Variants in LAMA2 observed in about 807,000 individuals in gnomAD.
The protein encoded by LAMA2 is laminin subunit alpha 2.
Under a neutral mutation model 364.8 loss-of-function variants are expected in LAMA2, and 269 were observed. The ratio of observed to expected loss-of-function variants is 0.74; its 90% CI spans 0.67 to 0.82. The LOEUF (loss-of-function observed/expected upper bound fraction) is 0.82. Ranked by LOEUF, LAMA2 falls within the 40% of genes least tolerant of loss-of-function variation. LAMA2 has a pLI of 0.00. For missense variants in LAMA2, 3,807 were observed against 3,873.2 expected (o/e 0.98, Z 0.45); for synonymous variants, 1,379 against 1,370.6 (o/e 1.01, Z -0.14).
intron 1 of LAMA2, among the ~76,000 whole-genome samples, chr6:128,985,623 AT>A (rs1783179089): frequency 6.6e-6 from 1 of 152,188 alleles, no homozygotes; most frequent in African/African-American, 2.4e-5. Flanking sequence ...AAGATATGGT[AT>A]AAGGAACCCT....
chr6:129,369,872 T>C lies in LAMA2; in HGVS notation c.4861-20T>C. The C allele has an allele frequency of 1.2e-6, 2 of 1,606,014 alleles. No individual in the cohort carries two copies. Among genetic ancestry groups the C allele is most frequent in the South Asian group, 2.2e-5 (2 of 90,914 alleles). On this transcript the variant is annotated intron_variant, in intron 33 of 64. Coordinates refer to ENST00000421865, the MANE Select transcript of LAMA2 (RefSeq NM_000426.4). ...CAAGGCCATTTACTAAAAATGTTTATGGGATGGAATCTTTTTCAGCACTTG... is the reference window on the plus strand; with the variant it reads ...CAAGGCCATTTACTAAAAATGTTTACGGGATGGAATCTTTTTCAGCACTTG...
chr6:129,354,192 A>G (rs1777026075), intron 32 of LAMA2, among the ~76,000 whole-genome samples: 1 of 152,186 alleles, frequency 6.6e-6, no homozygotes. Context: ...TCTAAATCTT[A>G]ATAGTATCTT....
intron 22 of LAMA2, among the ~76,000 whole-genome samples, chr6:129,308,898 G>A (rs541437554): frequency 3.8e-4 from 58 of 152,294 alleles, no homozygotes; most frequent in Non-Finnish European, 4.9e-4. Flanking sequence ...AGATCTTGCC[G>A]GTAGGAACTC....
chr6:129,230,780 C>T (rs1011631553), intron 12 of LAMA2, among the ~76,000 whole-genome samples: 5 of 152,066 alleles, frequency 3.3e-5, no homozygotes, highest in Admixed American at 6.5e-5. Flanking sequence ...ATTTAACTGA[C>T]GTTGTGGTTA....
rs762858697 is a variant in LAMA2, at chr6:128,883,344, A to T, written c.99A>T (p.Ala33=). The change falls in exon 1 of 65, where the codon GCA becomes GCT. Residue 33 remains alanine, a synonymous_variant. Coordinates refer to ENST00000421865, the MANE Select transcript of LAMA2 (RefSeq NM_000426.4). ...QRPQQQRQSQ[A]HQQRGLFPAV... is the part of the protein sequence containing the mutation. Reference sequence around the variant, plus strand: ...CGCAGCAGCAGCGGCAGTCACAGGCACATCAGCAAAGAGGTACAGTCGAGG... The same window carrying T: ...CGCAGCAGCAGCGGCAGTCACAGGCTCATCAGCAAAGAGGTACAGTCGAGG... The T allele has an allele frequency of 3.1e-6, 5 of 1,598,032 alleles. No homozygotes were observed. In the South Asian group the frequency reaches 5.7e-5, roughly 18 times the overall value.
chr6:129,165,068 T>C (rs1472190688), intron 8 of LAMA2, among the ~76,000 whole-genome samples: 2 of 152,120 alleles, frequency 1.3e-5, no homozygotes, highest in African/African-American at 4.8e-5. Context: ...TATAAATAAG[T>C]CTAATTTTAA....
chr6:128,910,465 C>T (rs1298388814), intron 1 of LAMA2, among the ~76,000 whole-genome samples: 7 of 152,180 alleles, frequency 4.6e-5, no homozygotes, highest in Admixed American at 2.6e-4. Flanking sequence ...ACGTAGTTCT[C>T]GAGCCTTGGT....
At chr6:128,899,049 T>G (rs531039329) in intron 1 of LAMA2, among the ~76,000 whole-genome samples, 19 of 152,354 alleles carry the variant, frequency 1.2e-4, no homozygotes, top group Non-Finnish European at 2.4e-4. Flanking sequence ...GTAATTTCTT[T>G]GAACAATTAA....
chr6:128,913,269 C>G (rs1345041276), intron 1 of LAMA2, among the ~76,000 whole-genome samples: 3 of 152,060 alleles, frequency 2.0e-5, no homozygotes, highest in African/African-American at 7.2e-5. Flanking sequence ...CTTTCAACTT[C>G]CATATTTTTA....
At chr6:129,363,122 A>C (rs1228198613) in intron 32 of LAMA2, among the ~76,000 whole-genome samples, 1 of 152,134 alleles carries the variant, frequency 6.6e-6, no homozygotes, top group Non-Finnish European at 1.5e-5. Flanking sequence ...CAGCCAGGGC[A>C]ACACAGCAAG....
intron 12 of LAMA2, among the ~76,000 whole-genome samples, chr6:129,206,114 AAGGAAGG>A (rs1782650465): frequency 2.8e-5 from 2 of 71,834 alleles, no homozygotes; most frequent in Non-Finnish European, 5.0e-5. Flanking sequence ...GGGAGGAAGG[AAGGAAGG>A]AAGGAAGGAA....
At chr6:129,154,712 G>T (rs201870611) in intron 8 of LAMA2, 29 bp downstream of exon 8, 21 of 1,593,722 alleles carry the variant, frequency 1.3e-5, no homozygotes, top group Middle Eastern at 3.3e-4. Context: ...TTCATAAAGA[G>T]TTATTTTTTT....
At chr6:129,118,134 T>C (rs1163485527) in intron 4 of LAMA2, among the ~76,000 whole-genome samples, 1 of 152,168 alleles carries the variant, frequency 6.6e-6, no homozygotes, top group African/African-American at 2.4e-5. Context: ...ATCAGCAAGA[T>C]AAAATGAAGA....
chr6:129,403,757 A>C, intron 39 of LAMA2, 64 bp from the exon 40 acceptor site: 1 of 1,472,478 alleles, frequency 6.8e-7, no homozygotes. Context: ...TCATATAATT[A>C]GGACGTTCTT....
chr6:129,004,406 T>TAA (rs61244248), intron 1 of LAMA2, among the ~76,000 whole-genome samples: 22 of 53,732 alleles, frequency 4.1e-4, no homozygotes, highest in African/African-American at 1.1e-3. Context: ...AGTATAATAA[T>TAA]AAAAAAAAAA....
At chr6:129,206,216 C>G (rs1344460871) in intron 12 of LAMA2, among the ~76,000 whole-genome samples, 1 of 151,872 alleles carries the variant, frequency 6.6e-6, no homozygotes. Flanking sequence ...ATATGTATGA[C>G]TACTATTTGT....
intron 40 of LAMA2, among the ~76,000 whole-genome samples, chr6:129,407,407 C>A (rs1183765045): frequency 1.3e-5 from 2 of 152,124 alleles, no homozygotes; most frequent in Non-Finnish European, 2.9e-5. Context: ...GCACACTAAT[C>A]CTTAACCTAA....
In LAMA2 at chr6:129,393,381, G is replaced by C. The variant is rs916810406; in HGVS notation, c.5445+126G>C. The C allele has an allele frequency of 1.1e-5, 8 of 755,076 alleles. No individual in the cohort carries two copies. In the East Asian group the frequency reaches 2.1e-4, roughly 20 times the overall value. 46.8% of individuals were successfully genotyped at this position (755,076 alleles called of 1,614,324 possible). A position where few individuals can be genotyped will look rare whatever the true frequency, so the allele number is the denominator to read the frequency against. ...AAGTCAAGAGTGACAACTCTGAAAG[G>C]GGGCTTCTAAGAAACAGAACAAGAA... On this transcript the variant is annotated intron_variant, in intron 37 of 64. Coordinates refer to ENST00000421865, the MANE Select transcript of LAMA2 (RefSeq NM_000426.4).
At chr6:128,922,520 CTGTT>C (rs1198840725) in intron 1 of LAMA2, among the ~76,000 whole-genome samples, 3 of 151,306 alleles carry the variant, frequency 2.0e-5, no homozygotes, top group African/African-American at 7.3e-5. Flanking sequence ...TGAGAAGTGT[CTGTT>C]CATGTCCTTC....
Sources: gnomAD v4.1 joint callset for allele counts (sites outside exome capture counted in the v4.1 genomes callset) on GRCh38, gnomAD v4.1.1 for gene constraint, MANE v1.5 for transcripts, NCBI Gene and HGNC (gene_info 2026-07-23, HGNC 2026-07-21) for gene names.